The following EVC2 variants were observed in gnomAD, a reference collection of about 807,000 sequenced individuals.
EVC2 encodes limbin.
EVC2 carries 148 observed loss-of-function variants against 149.3 expected under a neutral mutation model. The observed-to-expected ratio is 0.99, with a 90% CI of 0.87 to 1.14. The LOEUF is 1.14. Among genes scored for constraint, EVC2 ranks in the 50% most tolerant of loss-of-function variants. EVC2 has a pLI of 0.00. For missense variants in EVC2, 1,854 were observed against 1,627.3 expected, an observed-to-expected ratio of 1.14 and a Z score of -2.40; for synonymous variants, 776 against 649.9, an observed-to-expected ratio of 1.19 and a Z score of -2.95.
At chr4:5,577,081 T>A (rs1722976520) in intron 17 of EVC2, among the ~76,000 whole-genome samples, 1 of 152,192 alleles carries the variant, frequency 6.6e-6, no homozygotes, top group Non-Finnish European at 1.5e-5. Context: ...TTTCCATACG[T>A]GAATCTCACT....
intron 7 of EVC2, among the ~76,000 whole-genome samples, chr4:5,669,757 A>T (rs1280659627): frequency 6.6e-6 from 1 of 152,190 alleles, no homozygotes; most frequent in African/African-American, 2.4e-5. Flanking sequence ...TTTGGCCACA[A>T]GGGCATTGCC....
chr4:5,605,962 G>A (rs1321712092), intron 16 of EVC2, among the ~76,000 whole-genome samples: 1 of 152,156 alleles, frequency 6.6e-6, no homozygotes, highest in Admixed American at 6.6e-5. Context: ...CCTTCCTGAC[G>A]GGACTGCTGT....
intron 21 of EVC2, among the ~76,000 whole-genome samples, chr4:5,549,732 G>A (rs1721697039): frequency 6.6e-6 from 1 of 152,072 alleles, no homozygotes; most frequent in South Asian, 2.1e-4. Flanking sequence ...AAGTTTAGAA[G>A]TAAATAACTG....
chr4:5,646,482 G>A (rs1052150830), intron 9 of EVC2, among the ~76,000 whole-genome samples: 2 of 152,022 alleles, frequency 1.3e-5, no homozygotes, highest in African/African-American at 4.8e-5. Flanking sequence ...TTCATTAGGG[G>A]TTTCAAAATG....
chr4:5,539,687 C>T (rs12504771), downstream of EVC2, among the ~76,000 whole-genome samples: 66,136 of 151,838 alleles, frequency 0.44, 16,503 homozygotes, highest in East Asian at 0.9. Context: ...ATGGAAAAAA[C>T]AGTCTTTTCA....
In EVC2 at chr4:5,679,314, C is replaced by T. The variant is rs1720192939; in HGVS notation, c.870+1946G>A. Among the ~76,000 whole-genome samples the T allele has an allele frequency of 6.6e-6, 1 of 152,102 alleles. No individual in the cohort carries two copies. The highest frequency in any genetic ancestry group is 2.4e-5 in the African/African-American group (1 of 41,426). On this transcript the variant is annotated intron_variant, in intron 7 of 21. Coordinates refer to ENST00000344408, the MANE Select transcript of EVC2 (RefSeq NM_147127.5). The surrounding 1 kb of genome is among the most constrained non-coding windows in gnomAD (Gnocchi z 5.1). Reference sequence around the variant, plus strand: ...GCAGTGGCATGATCTCGGCTCACTGCAACCTCCGCCTCCCAGGTTCAAGCA... The same window carrying T: ...GCAGTGGCATGATCTCGGCTCACTGTAACCTCCGCCTCCCAGGTTCAAGCA...
the EVC2 span, among the ~76,000 whole-genome samples, chr4:5,535,881 C>G: frequency 1.3e-5 from 2 of 152,134 alleles, no homozygotes; most frequent in Admixed American, 6.6e-5. This position sits in a 1 kb window ranked among gnomAD's most constrained non-coding sequence, Gnocchi z 4.7. Context: ...AACAAGGTAG[C>G]CCCAAAGACG....
intron 14 of EVC2, among the ~76,000 whole-genome samples, chr4:5,619,038 C>T (rs2108834036): frequency 6.6e-6 from 1 of 152,254 alleles, no homozygotes; most frequent in Admixed American, 6.5e-5. Context: ...GCAGCATTCT[C>T]TATGTAGGAC....
Position 5,694,406 on chromosome 4 carries a change from A to G in EVC2, c.379T>C (p.Leu127=), listed in dbSNP as rs756037909. 19 of 1,614,212 alleles carry G rather than the reference A, an allele frequency of 1.2e-5. No individual in the cohort carries two copies. The highest frequency in any genetic ancestry group is 1.4e-5 in the Non-Finnish European group (17 of 1,180,028). ...GGCCAGGAGGGTATAAAAGCAAATA[A>G]GGAATGAGCCCATGGCCCACTAGAG... The part of the protein sequence containing the change: ...AASSGPWAHS[L]FAFIPSWPKK... Residue 127 remains leucine, a synonymous_variant, in exon 3 of 22, where the codon TTA becomes CTA. Transcript: ENST00000344408.
chr4:5,568,583 G>T lies in EVC2; in HGVS notation c.3418C>A (p.Arg1140Ser). 1 of 1,608,338 alleles carries T rather than the reference G, an allele frequency of 6.2e-7. No individual in the cohort carries two copies. Among genetic ancestry groups the T allele is most frequent in the Non-Finnish European group, 8.5e-7 (1 of 1,179,642 alleles). ...RMAMVPGATL[R>S]RLLSVVLPTA... ...GGCAGTACCACACTCAGGAGCCGGCGAAGCGTGGCCCCGGGCACCATGGCC... is the reference window on the plus strand; with the variant it reads ...GGCAGTACCACACTCAGGAGCCGGCTAAGCGTGGCCCCGGGCACCATGGCC... Residue 1140 changes from arginine to serine, a missense_variant, in exon 20 of 22, where the codon CGC becomes AGC. Transcript: ENST00000344408.
intron 19 of EVC2, among the ~76,000 whole-genome samples, chr4:5,572,092 C>G (rs1032690301): frequency 6.6e-6 from 1 of 152,194 alleles, no homozygotes; most frequent in Non-Finnish European, 1.5e-5. Context: ...CCTATCAGTT[C>G]TGTTTCTCTG....
chr4:5,655,206 G>A (rs902868464), intron 9 of EVC2, among the ~76,000 whole-genome samples: 2 of 152,148 alleles, frequency 1.3e-5, no homozygotes, highest in African/African-American at 4.8e-5. Context: ...CAGGTGCTGC[G>A]CAGGAACCTG....
rs116392680 is a variant in EVC2, at chr4:5,568,729, G to T, written c.3361-89C>A. The T allele has an allele frequency of 2.0e-3, 2,729 of 1,345,298 alleles. 56 individuals carry two copies. In the African/African-American group the frequency reaches 0.035, roughly 17 times the overall value. 83.3% of individuals were successfully genotyped at this position (1,345,298 alleles called of 1,614,324 possible). A position where few individuals can be genotyped will look rare whatever the true frequency, so the allele number is the denominator to read the frequency against. ...ATTTATCACATTCTGAGGACATTCT[G>T]TCCTGGAGTGATAAATATTTCAGTA... On this transcript the variant is annotated intron_variant, in intron 19 of 21. Transcript: ENST00000344408.
At chr4:5,626,007 T>C (rs1443212199) in intron 12 of EVC2, 99 bp from the exon 13 acceptor site, 9 of 1,468,718 alleles carry the variant, frequency 6.1e-6, no homozygotes, top group African/African-American at 1.4e-5. Context: ...TTAGTTTGGT[T>C]TGAATCAGAA....
At chr4:5,529,730 T>A in the EVC2 span, among the ~76,000 whole-genome samples, 1 of 152,166 alleles carries the variant, frequency 6.6e-6, no homozygotes, top group African/African-American at 2.4e-5. The surrounding 1 kb of genome is among the most constrained non-coding windows in gnomAD (Gnocchi z 4.5). Context: ...AAATATTAAT[T>A]GGAAATTTGT....
the EVC2 span, among the ~76,000 whole-genome samples, chr4:5,529,198 A>G: frequency 5.1e-3 from 779 of 152,258 alleles, 6 homozygotes; most frequent in African/African-American, 0.018. This position sits in a 1 kb window ranked among gnomAD's most constrained non-coding sequence, Gnocchi z 4.5. Flanking sequence ...GACTGGGAGA[A>G]TGAGGCTACC....
intron 19 of EVC2, 119 bp from the exon 20 acceptor site, chr4:5,568,759 A>C: frequency 8.3e-7 from 1 of 1,206,136 alleles, no homozygotes; most frequent in African/African-American, 1.5e-5. Context: ...TCAGTAGCTT[A>C]GTCTGGAAAA....
Position 5,625,343 on chromosome 4 carries a change from CACACAA to C in EVC2, c.2046+400_2046+405del, listed in dbSNP as rs927654176. ...ACACACACACACACACACACACACA[CACACAA>C]ACCCAGTGGTATCTCCCTCATAGGG... On this transcript the variant is annotated intron_variant, in intron 13 of 21. Transcript: ENST00000344408. The surrounding 1 kb of genome is among the most constrained non-coding windows in gnomAD (Gnocchi z 4.0). 1.3e-5 allele frequency among the ~76,000 whole-genome samples: 2 copies of C among 148,650 alleles called. No homozygotes were observed. Among genetic ancestry groups the C allele is most frequent in the African/African-American group, 5.2e-5 (2 of 38,446 alleles).
intron 6 of EVC2, among the ~76,000 whole-genome samples, chr4:5,682,966 T>C (rs1720451414): frequency 1.3e-5 from 2 of 152,046 alleles, no homozygotes; most frequent in African/African-American, 4.8e-5. Flanking sequence ...CATTTTTCTG[T>C]AACCTGAGCT....
Sources: allele counts gnomAD v4.1 joint callset (sites outside exome capture counted in the v4.1 genomes callset), GRCh38; gene constraint gnomAD v4.1.1; non-coding constraint Gnocchi (gnomAD v3.1); transcripts MANE v1.5; gene names NCBI Gene and HGNC (gene_info 2026-07-23, HGNC 2026-07-21).